CPLX2: variants seen among roughly 807,000 people sequenced by gnomAD.
The protein encoded by CPLX2 is complexin 2.
A neutral mutation model predicts 16.3 loss-of-function variants in CPLX2; 5 were observed. The observed-to-expected ratio is 0.31, with a 90% CI of 0.16 to 0.64. The LOEUF is 0.64. Ranked by LOEUF, CPLX2 falls within the 30% of genes least tolerant of loss-of-function variation. The pLI is 0.79. For missense variants in CPLX2, 144 were observed against 181.4 expected (o/e 0.79, Z 1.18); for synonymous variants, 89 against 73.2 (o/e 1.22, Z -1.10).
At chr5:175,797,759 G>A (rs528467887) in intron 1 of CPLX2, among the ~76,000 whole-genome samples, 1 of 152,156 alleles carries the variant, frequency 6.6e-6, no homozygotes, top group Non-Finnish European at 1.5e-5. Context: ...AGAGAAGGCA[G>A]GGGGGAGGGG....
chr5:175,860,534 A>G (rs1213154675), intron 2 of CPLX2, among the ~76,000 whole-genome samples: 4 of 23,548 alleles, frequency 1.7e-4, no homozygotes, highest in African/African-American at 5.8e-4. Flanking sequence ...GAAAGAAAGA[A>G]AGAAAGATAG....
chr5:175,818,758 T>C (rs1561772363), intron 2 of CPLX2, among the ~76,000 whole-genome samples: 1 of 143,428 alleles, frequency 7.0e-6, no homozygotes, highest in Non-Finnish European at 1.5e-5. Context: ...GTCTCCCGGG[T>C]TCAAGCGATT....
At chr5:175,846,949 G>T (rs1759053580) in intron 2 of CPLX2, among the ~76,000 whole-genome samples, 1 of 152,192 alleles carries the variant, frequency 6.6e-6, no homozygotes. Flanking sequence ...GCAACCTTGG[G>T]CACGTTGATC....
chr5:175,812,437 C>T (rs13188993), intron 2 of CPLX2, among the ~76,000 whole-genome samples: 24,344 of 152,130 alleles, frequency 0.16, 2,320 homozygotes, highest in Middle Eastern at 0.3. Flanking sequence ...CCCTTTGTAC[C>T]CCCTAAAAAT....
At chr5:175,840,091 A>G (rs1758919359) in intron 2 of CPLX2, among the ~76,000 whole-genome samples, 1 of 152,254 alleles carries the variant, frequency 6.6e-6, no homozygotes, top group African/African-American at 2.4e-5. Flanking sequence ...TTTTTCGAAC[A>G]AAGGTGATTT....
Position 175,879,039 on chromosome 5 carries a change from A to G in CPLX2, c.163A>G (p.Met55Val). The G allele has an allele frequency of 1.9e-6, 3 of 1,589,502 alleles. No homozygotes were observed. The highest frequency in any genetic ancestry group is 2.6e-6 in the Non-Finnish European group (3 of 1,168,448). Reference sequence around the variant, plus strand: ...GGAGCGTAAGGCCAAGCACGCGCGCATGGAGGCGGAGCGGGAGAAGGTCCG... The same window carrying G: ...GGAGCGTAAGGCCAAGCACGCGCGCGTGGAGGCGGAGCGGGAGAAGGTCCG... ...EEERKAKHARMEAEREKVRQQ... is the reference protein window; with the variant it reads ...EEERKAKHARVEAEREKVRQQ... Residue 55 changes from methionine (M) to valine (V), a missense_variant, in exon 3 of 4, where the codon ATG (methionine) becomes GTG (valine). Met to Val is a conservative substitution (Grantham distance 21). Transcript: ENST00000393745.
upstream of CPLX2, chr5:175,871,429 G>GAGAGAGAGAGAGAGAA (rs1561790305): frequency 1.1e-5 from 1 of 91,310 alleles, no homozygotes; most frequent in Admixed American, 1.2e-4. Context: ...GAGAGAGAGA[G>GAGAGAGAGAGAGAGAA]AGACAGAGAG....
chr5:175,879,773 C>A, intron 3 of CPLX2, 75 bp from the exon 4 acceptor site: 1 of 1,406,498 alleles, frequency 7.1e-7, no homozygotes, highest in Non-Finnish European at 9.9e-7. Flanking sequence ...TCAGCCAGTG[C>A]TGCATGATCA....
At chr5:175,851,061 T>G (rs1759141866) in intron 2 of CPLX2, among the ~76,000 whole-genome samples, 1 of 151,862 alleles carries the variant, frequency 6.6e-6, no homozygotes, top group Admixed American at 6.6e-5. Context: ...GTAGAGCCGC[T>G]GCCTGAGGTG....
At position 175,881,600 on chromosome 5, in the gene CPLX2, C is replaced by G. The variant is rs1755607297; in HGVS notation, c.*1555C>G. 1 of 152,912 alleles carries G rather than the reference C, an allele frequency of 6.5e-6. No individual in the cohort carries two copies. Among genetic ancestry groups the G allele is most frequent in the Non-Finnish European group, 1.5e-5 (1 of 68,116 alleles). The allele number at this position is 152,912 out of a possible 1,614,324, so 9.5% of individuals were successfully genotyped here. ...GGGGGTCTGAAAAGACAGTTGTGTG[C>G]ATGGATGTGTGCGTGGGGAGAAAGA... On this transcript the variant is annotated 3_prime_UTR_variant, in exon 4 of 4. Coordinates refer to ENST00000393745, the MANE Select transcript of CPLX2 (RefSeq NM_001008220.2).
Position 175,840,284 on chromosome 5 carries a change from T to C in CPLX2, c.-89+31216T>C, listed in dbSNP as rs931708658. 2.5e-4 allele frequency among the ~76,000 whole-genome samples: 38 copies of C among 152,224 alleles called. 1 individual carries two copies. The highest frequency in any genetic ancestry group is 1.5e-4 in the Non-Finnish European group (10 of 68,046). ...GCAACTAAAAATTAGTGATTCACTA[T>C]ACTGAAATTAAAATAGCTTTAACAA... On this transcript the variant is annotated intron_variant, in intron 2 of 4. Transcript: ENST00000359546.
intron 2 of CPLX2, among the ~76,000 whole-genome samples, chr5:175,851,062 G>A (rs1172571558): frequency 6.6e-6 from 1 of 151,994 alleles, no homozygotes; most frequent in Non-Finnish European, 1.5e-5. Flanking sequence ...TAGAGCCGCT[G>A]CCTGAGGTGG....
intron 2 of CPLX2, among the ~76,000 whole-genome samples, chr5:175,858,993 G>C (rs906188117): frequency 2.0e-5 from 3 of 152,202 alleles, no homozygotes; most frequent in African/African-American, 7.2e-5. Context: ...TACCAGAGAA[G>C]CCACGTGATC....
At chr5:175,866,512 T>C (rs1245337269) in intron 2 of CPLX2, among the ~76,000 whole-genome samples, 1 of 148,076 alleles carries the variant, frequency 6.8e-6, no homozygotes, top group Non-Finnish European at 1.5e-5. Context: ...GCTAACCAAG[T>C]GGGGATATAC....
intron 1 of CPLX2, among the ~76,000 whole-genome samples, chr5:175,803,249 A>C (rs1028495091): frequency 1.3e-5 from 2 of 152,230 alleles, no homozygotes; most frequent in African/African-American, 4.8e-5. Flanking sequence ...CCCACTGGGC[A>C]GCTGTATGAG....
intron 2 of CPLX2, among the ~76,000 whole-genome samples, chr5:175,815,885 CTT>C (rs1253942276): frequency 6.6e-6 from 1 of 152,216 alleles, no homozygotes; most frequent in Non-Finnish European, 1.5e-5. Flanking sequence ...CCCACTGTCT[CTT>C]GTTACATCTA....
chr5:175,882,839 C>CTAA lies in CPLX2; in HGVS notation c.*2796_*2798dup, dbSNP rs978136487. 5.2e-5 allele frequency: 8 copies of CTAA among 152,532 alleles called. No individual in the cohort carries two copies. Among genetic ancestry groups the CTAA allele is most frequent in the African/African-American group, 1.9e-4 (8 of 41,460 alleles). 9.4% of individuals were successfully genotyped at this position (152,532 alleles called of 1,614,324 possible). A position where few individuals can be genotyped will look rare whatever the true frequency, so the allele number is the denominator to read the frequency against. ...ATGCAGACCTGGCTGTGGAGAGCAGCTAATGTGTGGCCCAGAGAGCCTGTC... is the reference window on the plus strand; with the variant it reads ...ATGCAGACCTGGCTGTGGAGAGCAGCTAATAATGTGTGGCCCAGAGAGCCTGTC... On this transcript the variant is annotated 3_prime_UTR_variant, in exon 4 of 4. Transcript: ENST00000393745.
chr5:175,852,992 G>C (rs887388422), intron 2 of CPLX2, among the ~76,000 whole-genome samples: 30 of 152,170 alleles, frequency 2.0e-4, no homozygotes, highest in African/African-American at 6.8e-4. Flanking sequence ...CCCCCTCCCT[G>C]TCCATGACCA....
chr5:175,865,536 C>CT (rs1581098767), intron 2 of CPLX2, among the ~76,000 whole-genome samples: 2 of 152,234 alleles, frequency 1.3e-5, no homozygotes, highest in Admixed American at 1.3e-4. Flanking sequence ...CAAAATCACA[C>CT]TCCAGGGTCA....
Sources: gnomAD v4.1 joint callset for allele counts (sites outside exome capture counted in the v4.1 genomes callset) on GRCh38, gnomAD v4.1.1 for gene constraint, MANE v1.5 for transcripts, NCBI Gene and HGNC (gene_info 2026-07-23, HGNC 2026-07-21) for gene names.